GRID2: variants seen among roughly 807,000 people sequenced by gnomAD.
GRID2 encodes the protein glutamate receptor ionotropic, delta-2.
GRID2 carries 33 observed loss-of-function variants against 114.8 expected under a neutral mutation model. That is an observed-to-expected ratio of 0.29 (90% CI 0.22 to 0.38). The LOEUF (loss-of-function observed/expected upper bound fraction) is 0.38, where lower values mean the gene tolerates loss of function less well. Ranked by LOEUF, GRID2 falls within the 10% of genes least tolerant of loss-of-function variation. GRID2 has a pLI of 1.00. For synonymous variants in GRID2, 505 were observed against 449.9 expected, an observed-to-expected ratio of 1.12 and a Z score of -1.55; for missense variants, 1,184 against 1,257.7, an observed-to-expected ratio of 0.94 and a Z score of 0.89.
chr4:93,419,970 A>AT (rs1768101963), intron 9 of GRID2, among the ~76,000 whole-genome samples: 1 of 152,062 alleles, frequency 6.6e-6, no homozygotes, highest in Admixed American at 6.6e-5. Context: ...TAAATTCATA[A>AT]TTTTTTAAGT....
chr4:93,060,087 A>G (rs1180298338), intron 2 of GRID2, among the ~76,000 whole-genome samples: 1 of 152,080 alleles, frequency 6.6e-6, no homozygotes, highest in African/African-American at 2.4e-5. Flanking sequence ...GCTCAGCTAG[A>G]TATTTTCATG....
At chr4:92,495,927 C>A (rs1474790521) in intron 1 of GRID2, among the ~76,000 whole-genome samples, 4 of 151,694 alleles carry the variant, frequency 2.6e-5, no homozygotes, top group Admixed American at 2.0e-4. Flanking sequence ...CCCAGACATG[C>A]AAACTTTTGA....
intron 7 of GRID2, among the ~76,000 whole-genome samples, chr4:93,235,493 T>C (rs912875080): frequency 1.3e-5 from 2 of 152,216 alleles, no homozygotes; most frequent in Admixed American, 6.6e-5. Context: ...TGAGGATAGA[T>C]GGAAAAAAGC....
chr4:92,496,708 A>T (rs759885300), intron 1 of GRID2, among the ~76,000 whole-genome samples: 2 of 151,720 alleles, frequency 1.3e-5, no homozygotes, highest in Non-Finnish European at 3.0e-5. Flanking sequence ...TGACATTTAA[A>T]CAGTTTTATT....
intron 2 of GRID2, among the ~76,000 whole-genome samples, chr4:92,953,558 G>A (rs1456847127): frequency 1.3e-5 from 2 of 152,054 alleles, no homozygotes; most frequent in African/African-American, 2.4e-5. Flanking sequence ...GACGGGCATA[G>A]TCAAGTGATG....
intron 1 of GRID2, among the ~76,000 whole-genome samples, chr4:92,540,178 A>G (rs1484475643): frequency 6.6e-6 from 1 of 152,192 alleles, no homozygotes; most frequent in Non-Finnish European, 1.5e-5. Context: ...TGTTAGACCT[A>G]AAACCATAAA....
At chr4:92,815,970 C>A (rs867502193) in intron 2 of GRID2, among the ~76,000 whole-genome samples, 17 of 105,104 alleles carry the variant, frequency 1.6e-4, no homozygotes, top group Middle Eastern at 5.6e-3. Context: ...CAAAAAAAAA[C>A]CAACCAAAAA....
intron 8 of GRID2, among the ~76,000 whole-genome samples, chr4:93,268,201 G>A (rs1751064163): frequency 6.6e-6 from 1 of 152,090 alleles, no homozygotes; most frequent in Non-Finnish European, 1.5e-5. Flanking sequence ...ACACTATTTT[G>A]CTGTTTCCAA....
intron 8 of GRID2, among the ~76,000 whole-genome samples, chr4:93,394,395 T>C (rs1483019583): frequency 6.6e-6 from 1 of 151,976 alleles, no homozygotes; most frequent in Non-Finnish European, 1.5e-5. Context: ...TGACATTCCC[T>C]TCTCTTAAGA....
intron 8 of GRID2, among the ~76,000 whole-genome samples, chr4:93,322,390 G>A (rs1757329061): frequency 6.6e-6 from 1 of 152,050 alleles, no homozygotes; most frequent in South Asian, 2.1e-4. Flanking sequence ...CATTTTTTAT[G>A]GCTGCATAGT....
At chr4:93,801,586 T>C (rs1734933228) in intron 1 of GRID2, among the ~76,000 whole-genome samples, 1 of 152,200 alleles carries the variant, frequency 6.6e-6, no homozygotes, top group Admixed American at 6.5e-5. Context: ...ATGTAGACTT[T>C]CTATTAATAA....
At chr4:92,673,419 A>G (rs969001376) in intron 2 of GRID2, among the ~76,000 whole-genome samples, 14 of 152,212 alleles carry the variant, frequency 9.2e-5, no homozygotes, top group Non-Finnish European at 1.9e-4. Flanking sequence ...TAGATAAATG[A>G]GGAAACAACA....
intron 2 of GRID2, among the ~76,000 whole-genome samples, chr4:92,694,320 T>A (rs1021969553): frequency 6.6e-6 from 1 of 152,128 alleles, no homozygotes; most frequent in African/African-American, 2.4e-5. Context: ...AATTGAGGTC[T>A]CCTGAGCCTG....
chr4:92,613,794 C>G (rs1729869219), intron 2 of GRID2, among the ~76,000 whole-genome samples: 1 of 151,310 alleles, frequency 6.6e-6, no homozygotes, highest in Admixed American at 6.6e-5. Flanking sequence ...AATGAATCAA[C>G]TTTTGATTGT....
chr4:92,404,927 G>C (rs1045525423), intron 1 of GRID2, among the ~76,000 whole-genome samples: 1 of 152,110 alleles, frequency 6.6e-6, no homozygotes, highest in Non-Finnish European at 1.5e-5. Flanking sequence ...ATGCATGAGA[G>C]TCTTAATATC....
At chr4:93,808,254 T>A (rs1735069232) in exon 2 of GRID2, 1 of 152,184 alleles carries the variant, frequency 6.6e-6, no homozygotes, top group South Asian at 2.1e-4. Context: ...AGACAGAGCT[T>A]CAAGTTTGGG....
rs1739092087 is a variant in GRID2 at position 93,173,898 on chromosome 4, C to A, written c.736-33506C>A. 2.0e-5 allele frequency among the ~76,000 whole-genome samples: 3 copies of A among 152,240 alleles called. No homozygotes were observed. In the South Asian group the frequency reaches 6.2e-4, roughly 32 times the overall value. On this transcript the variant is annotated intron_variant, in intron 4 of 15. Coordinates refer to ENST00000282020, the MANE Select transcript of GRID2 (RefSeq NM_001510.4). ...TGCCTGCCTTGGTGCGCTGGGATTACAAGTGTTGAGCCACTGCAACCAGCC... is the reference window on the plus strand; with the variant it reads ...TGCCTGCCTTGGTGCGCTGGGATTAAAAGTGTTGAGCCACTGCAACCAGCC...
chr4:93,487,784 CTCT>C (rs1040634238), intron 11 of GRID2, among the ~76,000 whole-genome samples: 27 of 151,796 alleles, frequency 1.8e-4, no homozygotes, highest in African/African-American at 6.5e-4. Context: ...TTTTTACTGC[CTCT>C]TTAGCTCTGA....
chr4:92,982,377 C>A lies in GRID2; in HGVS notation c.245-102618C>A, dbSNP rs1170063372. ...ATTTTAGATTTAAAAAGTTGAGGTA[C>A]GTTCAGATTAATTTATGAAAATGTC... On this transcript the variant is annotated intron_variant, in intron 2 of 15. Coordinates refer to ENST00000282020, the MANE Select transcript of GRID2 (RefSeq NM_001510.4). Among the ~76,000 whole-genome samples the A allele has an allele frequency of 1.3e-5, 2 of 151,870 alleles. 1 individual carries two copies. Among genetic ancestry groups the A allele is most frequent in the South Asian group, 4.1e-4 (2 of 4,832 alleles).
Sources: gnomAD v4.1 joint callset for allele counts (sites outside exome capture counted in the v4.1 genomes callset) on GRCh38, gnomAD v4.1.1 for gene constraint, MANE v1.5 for transcripts, NCBI Gene and HGNC (gene_info 2026-07-23, HGNC 2026-07-21) for gene names.